The following GRID1 variants were observed in gnomAD, a reference collection of about 807,000 sequenced individuals.
GRID1 encodes glutamate receptor ionotropic, delta-1.
In GRID1, 28 loss-of-function variants were observed where a neutral mutation model predicts 98.0. The ratio of observed to expected loss-of-function variants is 0.29; its 90% confidence interval spans 0.21 to 0.39. The LOEUF (loss-of-function observed/expected upper bound fraction) is 0.39. GRID1 is among the 10% of genes least tolerant of loss of function. The probability of loss-of-function intolerance (pLI) is 1.00; values close to 1 mark genes in which losing one functional copy is unlikely to be tolerated. For synonymous variants in GRID1, 553 were observed against 538.5 expected (o/e 1.03, Z -0.37); for missense variants, 1,111 against 1,340.5 (o/e 0.83, Z 2.67).
At position 86,350,384 on chromosome 10, in the gene GRID1, G is replaced by A. The variant is rs543185115; in HGVS notation, c.235+13557C>T. Reference sequence around the variant, plus strand: ...GCCTGGAGGGAAGGGCAGAGGCAGGGGGACACGGGGAAGTGACCTCAAGTG... The same window carrying A: ...GCCTGGAGGGAAGGGCAGAGGCAGGAGGACACGGGGAAGTGACCTCAAGTG... On this transcript the variant is annotated intron_variant, in intron 2 of 15. Coordinates refer to ENST00000327946, the MANE Select transcript of GRID1 (RefSeq NM_017551.3). Among the ~76,000 whole-genome samples the A allele has an allele frequency of 8.5e-5, 13 of 152,348 alleles. No homozygotes were observed. In the South Asian group the frequency reaches 2.7e-3, roughly 32 times the overall value.
chr10:85,996,743 C>T (rs887720678), intron 4 of GRID1, among the ~76,000 whole-genome samples: 3 of 150,844 alleles, frequency 2.0e-5, no homozygotes, highest in African/African-American at 4.9e-5. Flanking sequence ...GCAGGAGAAT[C>T]GCTTGAACCC....
intron 4 of GRID1, among the ~76,000 whole-genome samples, chr10:85,918,734 C>A (rs988997316): frequency 2.0e-5 from 3 of 152,232 alleles, no homozygotes; most frequent in African/African-American, 7.2e-5. Flanking sequence ...AGACAACTTT[C>A]TGACTTTCCA....
At chr10:86,317,106 C>T (rs1354134994) in intron 2 of GRID1, among the ~76,000 whole-genome samples, 1 of 152,196 alleles carries the variant, frequency 6.6e-6, no homozygotes, top group East Asian at 1.9e-4. Context: ...TAGCTCCCCA[C>T]CCCTTGCCTC....
chr10:86,153,658 GC>G (rs1163481985), intron 3 of GRID1, among the ~76,000 whole-genome samples: 1 of 152,170 alleles, frequency 6.6e-6, no homozygotes, highest in East Asian at 1.9e-4. Flanking sequence ...GGATACCCCA[GC>G]CCAGGCAGCC....
chr10:86,250,533 G>A (rs781698452), intron 2 of GRID1, among the ~76,000 whole-genome samples: 6 of 152,208 alleles, frequency 3.9e-5, no homozygotes, highest in Non-Finnish European at 7.3e-5. Flanking sequence ...CTAATCTAAG[G>A]AATGCTTAAA....
chr10:85,978,107 G>A (rs1021432642), intron 4 of GRID1, among the ~76,000 whole-genome samples: 8 of 152,202 alleles, frequency 5.3e-5, no homozygotes, highest in African/African-American at 1.7e-4. Flanking sequence ...TTAAGTTCAT[G>A]CAAAGCCATC....
chr10:86,294,167 G>C (rs1429458246), intron 2 of GRID1, among the ~76,000 whole-genome samples: 3 of 152,110 alleles, frequency 2.0e-5, no homozygotes, highest in African/African-American at 7.2e-5. Flanking sequence ...CGGAGTCCTG[G>C]GGCAAGCTCT....
chr10:86,263,041 G>A (rs916457638), intron 2 of GRID1, among the ~76,000 whole-genome samples: 2 of 151,982 alleles, frequency 1.3e-5, no homozygotes, highest in Non-Finnish European at 2.9e-5. Flanking sequence ...TGCGAGTGAA[G>A]GGGAGCCATT....
chr10:85,698,715 A>G (rs1184014099), intron 12 of GRID1, among the ~76,000 whole-genome samples: 1 of 152,206 alleles, frequency 6.6e-6, no homozygotes, highest in Non-Finnish European at 1.5e-5. Flanking sequence ...TGGTAACTGT[A>G]TGCTGTGTTT....
chr10:86,223,859 C>T lies in GRID1; in HGVS notation c.236-17211G>A, dbSNP rs184274477. ...AGACCAAGGACCAGCAGATGACAGA[C>T]GAGGGACCAGCAAGTGATGGACCAA... On this transcript the variant is annotated intron_variant, in intron 2 of 15. Coordinates refer to ENST00000327946, the MANE Select transcript of GRID1 (RefSeq NM_017551.3). 6.1e-4 allele frequency among the ~76,000 whole-genome samples: 93 copies of T among 152,050 alleles called. 1 individual carries two copies. The highest frequency in any genetic ancestry group is 2.1e-3 in the African/African-American group (87 of 41,476).
intron 12 of GRID1, among the ~76,000 whole-genome samples, chr10:85,713,738 T>C (rs1841607192): frequency 6.7e-6 from 1 of 149,976 alleles, no homozygotes; most frequent in Admixed American, 6.6e-5. Context: ...ATTAACAAAA[T>C]GAGGGAAACA....
At chr10:85,929,337 G>A (rs964319898) in intron 4 of GRID1, among the ~76,000 whole-genome samples, 4 of 152,100 alleles carry the variant, frequency 2.6e-5, no homozygotes, top group Admixed American at 1.3e-4. Flanking sequence ...TCCACCGAAG[G>A]TGTCTTATCC....
chr10:86,117,834 G>GAC (rs1401368128), intron 4 of GRID1, among the ~76,000 whole-genome samples: 4 of 152,214 alleles, frequency 2.6e-5, no homozygotes, highest in African/African-American at 9.6e-5. Context: ...GTGAAAAGGG[G>GAC]ACACATTTAC....
intron 4 of GRID1, among the ~76,000 whole-genome samples, chr10:86,031,632 C>G (rs541737462): frequency 1.2e-4 from 18 of 152,236 alleles, no homozygotes; most frequent in Admixed American, 9.8e-4. Context: ...TCTGCCCCCC[C>G]TCATCAAAGC....
intron 2 of GRID1, among the ~76,000 whole-genome samples, chr10:86,302,018 A>G (rs2132082360): frequency 6.6e-6 from 1 of 152,052 alleles, no homozygotes; most frequent in Middle Eastern, 3.4e-3. Flanking sequence ...ACTGGCCCTC[A>G]CTCTACTTCT....
At chr10:86,196,256 T>C (rs778828918) in intron 3 of GRID1, among the ~76,000 whole-genome samples, 1 of 151,932 alleles carries the variant, frequency 6.6e-6, no homozygotes, top group Non-Finnish European at 1.5e-5. Flanking sequence ...CGGGACAGAG[T>C]TGGGGCTCTA....
At chr10:85,787,116 C>T (rs1842436975) in intron 8 of GRID1, among the ~76,000 whole-genome samples, 1 of 152,210 alleles carries the variant, frequency 6.6e-6, no homozygotes, top group East Asian at 1.9e-4. Context: ...GTTACTTATA[C>T]ACTCTCTGAG....
intron 6 of GRID1, among the ~76,000 whole-genome samples, chr10:85,856,977 G>A (rs1469391917): frequency 2.0e-5 from 3 of 152,126 alleles, no homozygotes; most frequent in East Asian, 1.9e-4. Flanking sequence ...GGAGAAGGAC[G>A]CCTTTGTTGG....
chr10:85,661,314 T>C (rs1242320101), intron 12 of GRID1, among the ~76,000 whole-genome samples: 1 of 152,124 alleles, frequency 6.6e-6, no homozygotes, highest in Non-Finnish European at 1.5e-5. Flanking sequence ...CGTCAGGCCT[T>C]TTCCTGCTGT....
Sources: allele counts gnomAD v4.1 joint callset (sites outside exome capture counted in the v4.1 genomes callset), GRCh38; gene constraint gnomAD v4.1.1; transcripts MANE v1.5; gene names NCBI Gene and HGNC (gene_info 2026-07-23, HGNC 2026-07-21).